PRSS54: variants seen among roughly 807,000 people sequenced by gnomAD.
PRSS54 encodes the protein inactive serine protease 54.
Under a neutral mutation model 19.9 loss-of-function variants are expected in PRSS54, and 16 were observed. The observed-to-expected ratio is 0.80, with a 90% confidence interval of 0.54 to 1.22. PRSS54 has a LOEUF of 1.22. Among genes scored for constraint, PRSS54 ranks in the 50% most tolerant of loss-of-function variants. PRSS54 has a pLI of 0.00. For missense variants in PRSS54, 444 were observed against 494.8 expected (o/e 0.90, Z 0.97); for synonymous variants, 177 against 195.8 (o/e 0.90, Z 0.80).
intron 6 of PRSS54, chr16:58,282,936 A>G (rs759799861): frequency 1.3e-5 from 2 of 152,252 alleles, no homozygotes; most frequent in Non-Finnish European, 2.9e-5. Context: ...GGCACAGCAT[A>G]TACGCTTTTT....
Position 58,280,113 on chromosome 16 carries a change from C to G in PRSS54, c.*111G>C. 1 of 1,112,506 alleles carries G rather than the reference C, an allele frequency of 9.0e-7. No homozygotes were observed. The highest frequency in any genetic ancestry group is 1.3e-6 in the Non-Finnish European group (1 of 772,186). 68.9% of individuals were successfully genotyped at this position (1,112,506 alleles called of 1,614,324 possible). On this transcript the variant is annotated 3_prime_UTR_variant, in exon 7 of 7. Coordinates refer to ENST00000567164, the MANE Select transcript of PRSS54 (RefSeq NM_001305173.2). ...GCCCAGTGTATGCCATGGGCTTATC[C>G]GTGGCAGCCCCAGTGTGCAACTATC...
Position 58,284,616 on chromosome 16 carries a change from T to C in PRSS54, c.628A>G (p.Lys210Glu), listed in dbSNP as rs754248093. 5.6e-6 allele frequency: 9 copies of C among 1,614,012 alleles called. No homozygotes were observed. In the South Asian group the frequency reaches 6.6e-5, roughly 12 times the overall value. ...AAGCAGGCAGTCTTGGTTTCCTCTT[T>C]CGTGTGGCTGCCGCATTCTGTCTTC... ...LQKTECGSHT[K>E]EETKTACLGD... Residue 210 changes from lysine (K) to glutamate (E), a missense_variant, in exon 6 of 7, where the codon AAA becomes GAA. Lys to Glu is a moderately conservative substitution (Grantham distance 56). Coordinates refer to ENST00000567164, the MANE Select transcript of PRSS54 (RefSeq NM_001305173.2).
rs368039781 is a variant in PRSS54, at chr16:58,286,054, T to C, written c.405A>G (p.Thr135=). The C allele has an allele frequency of 5.6e-6, 9 of 1,614,218 alleles. No individual in the cohort carries two copies. The South Asian group carries it at 6.6e-5, about 12-fold the overall frequency. ...GGTTGCCAAAATGCATCGCTGTGTC[T>C]GTCTTCAGGAGGGCTATGTTGTTGC... ...SMSNNIALLK[T]DTAMHFGNLV... is the part of the protein sequence containing the mutation. Residue 135 remains threonine (T), a synonymous_variant, in exon 5 of 7, where the codon ACA becomes ACG. Coordinates refer to ENST00000567164, the MANE Select transcript of PRSS54 (RefSeq NM_001305173.2).
intron 6 of PRSS54, chr16:58,281,467 C>T (rs1359646688): frequency 1.3e-5 from 2 of 152,512 alleles, no homozygotes; most frequent in Admixed American, 1.3e-4. Context: ...TAAAGGCCAG[C>T]ATTTTTCTGA....
At chr16:58,292,435 G>A (rs968939834) in intron 3 of PRSS54, among the ~76,000 whole-genome samples, 2 of 152,164 alleles carry the variant, frequency 1.3e-5, no homozygotes, top group South Asian at 2.1e-4. Flanking sequence ...ATAAAGTCTC[G>A]GAGGGCTTCC....
chr16:58,290,000 C>T (rs1965002194), intron 4 of PRSS54, among the ~76,000 whole-genome samples: 1 of 151,508 alleles, frequency 6.6e-6, no homozygotes, highest in Admixed American at 6.6e-5. Context: ...CTCTCTCCCC[C>T]AATACTCTGT....
chr16:58,288,240 T>C (rs940657238), intron 4 of PRSS54, among the ~76,000 whole-genome samples: 1 of 152,048 alleles, frequency 6.6e-6, no homozygotes, highest in Non-Finnish European at 1.5e-5. Flanking sequence ...AGCCTGGCCA[T>C]CATGGCAAAA....
intron 4 of PRSS54, 49 bp from the exon 5 acceptor site, chr16:58,286,244 T>G (rs371328993): frequency 3.9e-5 from 62 of 1,595,250 alleles, no homozygotes; most frequent in Middle Eastern, 3.3e-4. Flanking sequence ...GCAAGGAAGC[T>G]TCACGCTTCC....
At chr16:58,290,155 C>T (rs1358890226) in intron 4 of PRSS54, among the ~76,000 whole-genome samples, 1 of 106,492 alleles carries the variant, frequency 9.4e-6, no homozygotes, top group Non-Finnish European at 2.0e-5. Flanking sequence ...ATAGTATACA[C>T]TATATATTAT....
chr16:58,286,113 T>C lies in PRSS54; in HGVS notation c.346A>G (p.Ile116Val). ...AHTEYPVNTI[I>V]IHEDFDNNSM... ...TTGTTATCAAAGTCCTCATGGATGA[T>C]GATGGTATTGACTGGATACTCTGTG... is the stretch of plus-strand genomic sequence containing the variant. The change falls in exon 5 of 7, where the codon ATC becomes GTC. Residue 116 changes from isoleucine (I) to valine (V), a missense_variant. Transcript: ENST00000567164. 1.2e-6 allele frequency: 2 copies of C among 1,614,220 alleles called. No homozygotes were observed. The highest frequency in any genetic ancestry group is 1.7e-6 in the Non-Finnish European group (2 of 1,180,030).
intron 4 of PRSS54, 136 bp downstream of exon 4, chr16:58,290,823 G>T: frequency 2.2e-6 from 2 of 924,950 alleles, no homozygotes; most frequent in Non-Finnish European, 3.2e-6. Flanking sequence ...TCACGACAGA[G>T]CAAGCGCTGA....
chr16:58,280,816 A>G (rs139632066), intron 6 of PRSS54, 59 bp from the exon 7 acceptor site: 6 of 1,465,682 alleles, frequency 4.1e-6, no homozygotes, highest in Middle Eastern at 3.6e-4. Flanking sequence ...TTGTAAATCT[A>G]TCCTTGTGCA....
chr16:58,289,493 A>C (rs941662438), intron 4 of PRSS54, among the ~76,000 whole-genome samples: 1 of 152,114 alleles, frequency 6.6e-6, no homozygotes, highest in African/African-American at 2.4e-5. Context: ...AGGGAGAAAA[A>C]CTAGTGACTG....
rs747317935 is a variant in PRSS54, at chr16:58,285,981, C to T, written c.478G>A (p.Val160Ile). 4.3e-6 allele frequency: 7 copies of T among 1,614,234 alleles called. No individual in the cohort carries two copies. The highest frequency in any genetic ancestry group is 5.9e-6 in the Non-Finnish European group (7 of 1,180,042). Residue 160 changes from valine to isoleucine, a missense_variant, in exon 5 of 7, where the codon GTC (valine) becomes ATC (isoleucine). By Grantham distance (29) the Val-to-Ile change is conservative. Transcript: ENST00000567164. ...FLGRMLHTPP[V>I]LQNCWVSGWN... is the part of the protein sequence containing the mutation. ...CCTGACACCCAGCAGTTCTGCAAGA[C>T]TGGTGGTGTATGCAGCATTCTGCCG...
chr16:58,285,900 C>T, intron 5 of PRSS54, 37 bp downstream of exon 5: 5 of 1,609,838 alleles, frequency 3.1e-6, no homozygotes, highest in South Asian at 1.1e-5. Context: ...ACTGCCAGCA[C>T]ACACGCAGCC....
chr16:58,284,614 T>G lies in PRSS54; in HGVS notation c.630A>C (p.Lys210Asn), dbSNP rs61738893. Residue 210 changes from lysine to asparagine, a missense_variant, in exon 6 of 7, where the codon AAA becomes AAC. By Grantham distance (94) the Lys-to-Asn change is moderately conservative (BLOSUM62 0). Transcript: ENST00000567164. ...LQKTECGSHT[K>N]EETKTACLGD... Reference sequence around the variant, plus strand: ...CCAAGCAGGCAGTCTTGGTTTCCTCTTTCGTGTGGCTGCCGCATTCTGTCT... The same window carrying G: ...CCAAGCAGGCAGTCTTGGTTTCCTCGTTCGTGTGGCTGCCGCATTCTGTCT... 1.0e-3 allele frequency: 1,675 copies of G among 1,614,046 alleles called. 15 individuals are homozygous for G. In the African/African-American group the frequency reaches 0.019, roughly 18 times the overall value.
intron 4 of PRSS54, among the ~76,000 whole-genome samples, chr16:58,290,683 C>T (rs1299669322): frequency 1.3e-5 from 2 of 152,160 alleles, no homozygotes; most frequent in South Asian, 2.1e-4. Flanking sequence ...CCAGTGCCTC[C>T]GTGATGGCGG....
At chr16:58,288,660 C>CA (rs1964970970) in intron 4 of PRSS54, among the ~76,000 whole-genome samples, 1 of 152,150 alleles carries the variant, frequency 6.6e-6, no homozygotes, top group Admixed American at 6.6e-5. Flanking sequence ...CACTATGGTA[C>CA]ACTTGCATGT....
rs561097589 is a variant in PRSS54 at position 58,293,944 on chromosome 16, C to T, written c.-7+41G>A. 72 of 801,134 alleles carry T rather than the reference C, an allele frequency of 9.0e-5. 1 individual carries two copies. In the East Asian group the frequency reaches 1.8e-3, roughly 20 times the overall value. The allele number at this position is 801,134 out of a possible 1,614,324, so 49.6% of individuals were successfully genotyped here. ...CCCTCCCAAACATCAGAGGCTCCCC[C>T]TCTTTCTACTAACAAAGGTTCCAAG... is the stretch of plus-strand genomic sequence containing the variant. On this transcript the variant is annotated intron_variant, in intron 2 of 6. Coordinates refer to ENST00000567164, the MANE Select transcript of PRSS54 (RefSeq NM_001305173.2).
Sources: allele counts gnomAD v4.1 joint callset (sites outside exome capture counted in the v4.1 genomes callset), GRCh38; gene constraint gnomAD v4.1.1; transcripts MANE v1.5; gene names NCBI Gene and HGNC (gene_info 2026-07-23, HGNC 2026-07-21).